Variants in MIPOL1 observed in about 807,000 individuals in gnomAD.
MIPOL1 encodes the protein mirror-image polydactyly 1.
MIPOL1 carries 57 observed loss-of-function variants against 60.9 expected under a neutral mutation model. The observed-to-expected ratio is 0.94, with a 90% CI of 0.76 to 1.17. MIPOL1 has a LOEUF of 1.17. Ranked by LOEUF, MIPOL1 falls within the 50% of genes most tolerant of loss-of-function variation. The pLI is 0.00. For missense variants in MIPOL1, 551 were observed against 511.6 expected, an observed-to-expected ratio of 1.08 and a Z score of -0.74; for synonymous variants, 179 against 168.8, an observed-to-expected ratio of 1.06 and a Z score of -0.47.
In MIPOL1 at chr14:37,308,091, T is replaced by G; in HGVS notation, c.657+2T>G. 6.2e-7 allele frequency: 1 copy of G among 1,609,888 alleles called. No homozygotes were observed. Among genetic ancestry groups the G allele is most frequent in the Non-Finnish European group, 8.5e-7 (1 of 1,177,476 alleles). ...ATTAACCCTGAAGAAAATGACATGGTAAGCCATTCTCTGAGGAGATTTCTT... is the reference window on the plus strand; with the variant it reads ...ATTAACCCTGAAGAAAATGACATGGGAAGCCATTCTCTGAGGAGATTTCTT... On this transcript the variant is annotated splice_donor_variant, in intron 8 of 12. Coordinates refer to ENST00000684589, the MANE Select transcript of MIPOL1 (RefSeq NM_001388067.1). LOFTEE classifies it high-confidence loss of function.
At chr14:37,524,465 A>T (rs986566402) in intron 12 of MIPOL1, among the ~76,000 whole-genome samples, 1 of 152,100 alleles carries the variant, frequency 6.6e-6, no homozygotes, top group African/African-American at 2.4e-5. Context: ...GTGAAATGGA[A>T]CGACATCTTT....
At chr14:37,525,242 C>T (rs2095439832) in intron 12 of MIPOL1, among the ~76,000 whole-genome samples, 1 of 152,170 alleles carries the variant, frequency 6.6e-6, no homozygotes, top group Non-Finnish European at 1.5e-5. Context: ...CATCACTGAG[C>T]ATACAGTCTA....
At chr14:37,309,102 TTTTATTTATTTA>T (rs59311227) in intron 9 of MIPOL1, among the ~76,000 whole-genome samples, 1,931 of 142,774 alleles carry the variant, frequency 0.014, 64 homozygotes, top group Admixed American at 0.07. Context: ...TTTCTTGTTA[TTTTATTTATTTA>T]TTTATTTATT....
At chr14:37,282,110 A>G (rs73254053) in intron 6 of MIPOL1, among the ~76,000 whole-genome samples, 3,537 of 152,202 alleles carry the variant, frequency 0.023, 154 homozygotes, top group African/African-American at 0.08. Context: ...AGCCCTCTGT[A>G]TATAACACTT....
At chr14:37,389,829 A>T (rs879856382) in intron 10 of MIPOL1, among the ~76,000 whole-genome samples, 56 of 151,810 alleles carry the variant, frequency 3.7e-4, no homozygotes, top group Admixed American at 4.6e-4. Flanking sequence ...TGCCTTATGG[A>T]TATCTGTGAC....
chr14:37,363,503 G>A (rs1311470309), intron 9 of MIPOL1, among the ~76,000 whole-genome samples: 1 of 152,086 alleles, frequency 6.6e-6, no homozygotes, highest in Non-Finnish European at 1.5e-5. Flanking sequence ...TTTTCTGGAA[G>A]CTTCATCCCA....
At chr14:37,408,111 G>A (rs1302858927) in intron 10 of MIPOL1, among the ~76,000 whole-genome samples, 3 of 151,402 alleles carry the variant, frequency 2.0e-5, no homozygotes, top group Non-Finnish European at 4.4e-5. Context: ...GCCTCAAATG[G>A]TCCTCCTGCC....
intron 11 of MIPOL1, among the ~76,000 whole-genome samples, chr14:37,446,404 C>G (rs1276845198): frequency 2.0e-5 from 3 of 152,034 alleles, no homozygotes; most frequent in African/African-American, 7.2e-5. Context: ...GAATGGCGAT[C>G]ATTAAAAAGT....
chr14:37,502,485 G>A (rs1422017740), intron 12 of MIPOL1: 1 of 152,518 alleles, frequency 6.6e-6, no homozygotes, highest in East Asian at 1.9e-4. Flanking sequence ...AACAGGGTTT[G>A]GGTGGACCTC....
intron 11 of MIPOL1, among the ~76,000 whole-genome samples, chr14:37,439,021 T>C (rs1360557121): frequency 3.3e-5 from 5 of 152,240 alleles, no homozygotes; most frequent in Admixed American, 2.6e-4. Flanking sequence ...TATATGAATT[T>C]ATTAAGAGCC....
intron 11 of MIPOL1, among the ~76,000 whole-genome samples, chr14:37,460,949 A>G (rs1377351359): frequency 1.3e-5 from 2 of 152,340 alleles, no homozygotes; most frequent in East Asian, 3.9e-4. Context: ...TACAGATTCA[A>G]CATAATTCCT....
chr14:37,249,776 A>G (rs1973789191), intron 3 of MIPOL1, among the ~76,000 whole-genome samples: 2 of 152,016 alleles, frequency 1.3e-5, no homozygotes, highest in South Asian at 2.1e-4. Flanking sequence ...GTAAGCAGAT[A>G]CTCTTCTTTT....
At chr14:37,323,922 T>A (rs554122067) in intron 9 of MIPOL1, among the ~76,000 whole-genome samples, 1 of 152,198 alleles carries the variant, frequency 6.6e-6, no homozygotes, top group Non-Finnish European at 1.5e-5. Flanking sequence ...TACTGATAAG[T>A]AATACTTCAT....
chr14:37,247,855 G>T lies in MIPOL1; in HGVS notation c.-34G>T, dbSNP rs893652758. The stretch of plus-strand genomic sequence containing the variant: ...TGCAAATCTTGGAGCAAAAACCAGA[G>T]ACATTGCCAGAGCAAACAAGAACAG... On this transcript the variant is annotated 5_prime_UTR_variant, in exon 3 of 13. Coordinates refer to ENST00000684589, the MANE Select transcript of MIPOL1 (RefSeq NM_001388067.1). 19 of 1,611,860 alleles carry T rather than the reference G, an allele frequency of 1.2e-5. No individual in the cohort carries two copies. Among genetic ancestry groups the T allele is most frequent in the Non-Finnish European group, 1.5e-5 (18 of 1,178,912 alleles).
intron 11 of MIPOL1, among the ~76,000 whole-genome samples, chr14:37,441,069 T>C (rs962888797): frequency 2.0e-5 from 3 of 152,160 alleles, no homozygotes. Context: ...TTTGAAAAAA[T>C]GTCTATTCTT....
chr14:37,322,226 C>CT (rs2088653416), intron 9 of MIPOL1, among the ~76,000 whole-genome samples: 1 of 151,914 alleles, frequency 6.6e-6, no homozygotes, highest in African/African-American at 2.4e-5. Flanking sequence ...ATATAGAAAA[C>CT]TAAGTGCACA....
chr14:37,227,492 G>T (rs535860602), intron 1 of MIPOL1, among the ~76,000 whole-genome samples: 11 of 152,022 alleles, frequency 7.2e-5, no homozygotes, highest in Non-Finnish European at 1.5e-4. Flanking sequence ...GTGTGTGTTT[G>T]TGTGTGTGTA....
intron 11 of MIPOL1, among the ~76,000 whole-genome samples, chr14:37,498,625 G>C (rs1276873033): frequency 3.3e-5 from 5 of 151,948 alleles, no homozygotes; most frequent in Non-Finnish European, 7.4e-5. Context: ...CATGAAAAAA[G>C]GTATTTTTTG....
intron 7 of MIPOL1, among the ~76,000 whole-genome samples, chr14:37,289,180 C>T (rs1332805495): frequency 2.0e-5 from 3 of 152,188 alleles, no homozygotes; most frequent in East Asian, 3.8e-4. Flanking sequence ...AACAGAAACA[C>T]AAACTCAGTG....
Sources: gnomAD v4.1 joint callset for allele counts (sites outside exome capture counted in the v4.1 genomes callset) on GRCh38, gnomAD v4.1.1 for gene constraint, MANE v1.5 for transcripts, NCBI Gene and HGNC (gene_info 2026-07-23, HGNC 2026-07-21) for gene names.